Variants in DYNC1LI2 observed in about 807,000 individuals in gnomAD.
DYNC1LI2 encodes the protein cytoplasmic dynein 1 light intermediate chain 2.
A neutral mutation model predicts 57.8 loss-of-function variants in DYNC1LI2; 19 were observed. That is an observed-to-expected ratio of 0.33 (90% confidence interval 0.23 to 0.48). The LOEUF is 0.48. DYNC1LI2 is among the 20% of genes least tolerant of loss of function. The pLI, the probability that DYNC1LI2 is intolerant of heterozygous loss-of-function variation, is 0.99. For synonymous variants in DYNC1LI2, 256 were observed against 233.4 expected (o/e 1.10, Z -0.88); for missense variants, 470 against 604.2 (o/e 0.78, Z 2.33).
In DYNC1LI2 at chr16:66,720,995, G is replaced by A. The variant is rs370389034; in HGVS notation, c.*2727C>T. 2.0e-5 allele frequency: 3 copies of A among 152,520 alleles called. No homozygotes were observed. Among genetic ancestry groups the A allele is most frequent in the Admixed American group, 6.6e-5 (1 of 15,260 alleles). 9.4% of individuals were successfully genotyped at this position (152,520 alleles called of 1,614,324 possible). ...TTCCACATGACTGCATACTGCACCCGGACAGAGCCACACCCCTGGACTAAG... is the reference window on the plus strand; with the variant it reads ...TTCCACATGACTGCATACTGCACCCAGACAGAGCCACACCCCTGGACTAAG... On this transcript the variant is annotated 3_prime_UTR_variant, in exon 13 of 13. Transcript: ENST00000258198.
At chr16:66,744,704 C>T (rs966779410) in intron 3 of DYNC1LI2, among the ~76,000 whole-genome samples, 6 of 152,198 alleles carry the variant, frequency 3.9e-5, no homozygotes, top group Non-Finnish European at 8.8e-5. Context: ...GGACTACAGG[C>T]ACGTGCCACT....
intron 3 of DYNC1LI2, among the ~76,000 whole-genome samples, chr16:66,743,679 C>G (rs2017882640): frequency 6.6e-6 from 1 of 151,882 alleles, no homozygotes; most frequent in Non-Finnish European, 1.5e-5. Flanking sequence ...CCTAAGGTAA[C>G]AGCAATCAGT....
intron 4 of DYNC1LI2, among the ~76,000 whole-genome samples, chr16:66,741,246 A>G (rs2017830608): frequency 6.6e-6 from 1 of 152,220 alleles, no homozygotes; most frequent in African/African-American, 2.4e-5. Context: ...CTGTCTGTGC[A>G]GTGGATGAAA....
chr16:66,734,997 CAAAAAAAAA>C (rs377398071), intron 5 of DYNC1LI2, among the ~76,000 whole-genome samples: 8 of 38,570 alleles, frequency 2.1e-4, no homozygotes, highest in Admixed American at 4.2e-4. Flanking sequence ...AACTCCGTCT[CAAAAAAAAA>C]AAAAAAAAAA....
intron 9 of DYNC1LI2, 45 bp from the exon 10 acceptor site, chr16:66,728,287 G>A (rs1194490518): frequency 3.1e-6 from 5 of 1,611,022 alleles, no homozygotes; most frequent in Non-Finnish European, 4.2e-6. Context: ...GGCCTGCAGA[G>A]AGCACTGAAG....
At chr16:66,740,115 A>G (rs553332899) in intron 4 of DYNC1LI2, among the ~76,000 whole-genome samples, 1 of 152,218 alleles carries the variant, frequency 6.6e-6, no homozygotes, top group African/African-American at 2.4e-5. Flanking sequence ...AGAAGACTAA[A>G]GTACAAAAAA....
intron 7 of DYNC1LI2, chr16:66,730,514 A>T: frequency 4.0e-6 from 1 of 249,472 alleles, no homozygotes; most frequent in Non-Finnish European, 7.7e-6. Flanking sequence ...CTCTCCCACA[A>T]CTCTGCCTAG....
At chr16:66,746,866 C>T (rs1187618713) in intron 3 of DYNC1LI2, among the ~76,000 whole-genome samples, 2 of 152,196 alleles carry the variant, frequency 1.3e-5, no homozygotes, top group Admixed American at 6.5e-5. Context: ...CTACTGACTA[C>T]AGGCATGGCA....
chr16:66,741,892 A>G (rs891965184), intron 4 of DYNC1LI2, among the ~76,000 whole-genome samples: 28 of 100,232 alleles, frequency 2.8e-4, no homozygotes, highest in Non-Finnish European at 4.5e-4. Context: ...CTTTCATGTT[A>G]ATTACAAAAA....
At chr16:66,750,714 G>A (rs2018028801) in intron 2 of DYNC1LI2, among the ~76,000 whole-genome samples, 1 of 152,162 alleles carries the variant, frequency 6.6e-6, no homozygotes, top group South Asian at 2.1e-4. Flanking sequence ...CTTGCTGTGT[G>A]AATGTACCCA....
intron 12 of DYNC1LI2, among the ~76,000 whole-genome samples, chr16:66,725,451 G>A (rs1351776955): frequency 1.3e-5 from 2 of 152,106 alleles, no homozygotes; most frequent in African/African-American, 2.4e-5. Flanking sequence ...ACTCCAGCCT[G>A]GGCAACAAGA....
At chr16:66,729,218 A>C (rs942146863) in intron 8 of DYNC1LI2, 119 bp from the exon 9 acceptor site, 1 of 1,076,350 alleles carries the variant, frequency 9.3e-7, no homozygotes, top group African/African-American at 1.5e-5. Flanking sequence ...GGAGATCCCT[A>C]CTGAGACTGC....
chr16:66,729,833 G>A (rs946525470), intron 8 of DYNC1LI2, among the ~76,000 whole-genome samples: 4 of 152,126 alleles, frequency 2.6e-5, no homozygotes, highest in African/African-American at 9.6e-5. Context: ...CCAGGTTGGA[G>A]TGCAGTGGCG....
In DYNC1LI2 at chr16:66,736,161, A is replaced by G; in HGVS notation, c.613T>C (p.Ser205Pro). The G allele has an allele frequency of 6.2e-7, 1 of 1,614,086 alleles. No homozygotes were observed. Among genetic ancestry groups the G allele is most frequent in the Non-Finnish European group, 8.5e-7 (1 of 1,180,034 alleles). Residue 205 changes from serine to proline, a missense_variant, in exon 5 of 13, where the codon TCC becomes CCC. By Grantham distance (74) the Ser-to-Pro change is moderately conservative. Coordinates refer to ENST00000258198, the MANE Select transcript of DYNC1LI2 (RefSeq NM_006141.3). Reference protein sequence around the residue: ...PQRRGPLTSGSDEENVALPLG... With the variant: ...PQRRGPLTSGPDEENVALPLG... The stretch of plus-strand genomic sequence containing the variant: ...GGCAGGGCAACATTTTCTTCATCGG[A>G]GCCTGAGGTCAGAGGGCCTCTTCTC...
chr16:66,734,216 A>T lies in DYNC1LI2; in HGVS notation c.793+2T>A. 1 of 1,614,072 alleles carries T rather than the reference A, an allele frequency of 6.2e-7. No homozygotes were observed. The highest frequency in any genetic ancestry group is 8.5e-7 in the Non-Finnish European group (1 of 1,179,994). On this transcript the variant is annotated splice_donor_variant, in intron 6 of 12. Transcript: ENST00000258198. LOFTEE classifies it high-confidence loss of function. ...AGGCCCCACACAGCGCCCAAAGGAT[A>T]CACTGAAGGCAGAACCTCCGCAGGT... is the stretch of plus-strand genomic sequence containing the variant.
At chr16:66,750,759 A>C (rs1052380588) in intron 2 of DYNC1LI2, among the ~76,000 whole-genome samples, 4 of 152,142 alleles carry the variant, frequency 2.6e-5, no homozygotes, top group Non-Finnish European at 5.9e-5. Flanking sequence ...GGCCAGAGGG[A>C]GTAAGGGACC....
At chr16:66,747,757 G>A (rs113784578) in intron 3 of DYNC1LI2, among the ~76,000 whole-genome samples, 45,439 of 151,364 alleles carry the variant, frequency 0.3, 8,050 homozygotes, top group East Asian at 0.6. Flanking sequence ...TGTTAGTAGA[G>A]ATGGGGTTTC....
chr16:66,750,979 C>G (rs918234361), intron 2 of DYNC1LI2, among the ~76,000 whole-genome samples: 1 of 152,244 alleles, frequency 6.6e-6, no homozygotes, highest in Non-Finnish European at 1.5e-5. Flanking sequence ...CTAGCTTCCC[C>G]TCTCCACGAC....
intron 10 of DYNC1LI2, 175 bp from the exon 11 acceptor site, chr16:66,727,980 C>A: frequency 1.2e-6 from 1 of 837,830 alleles, no homozygotes; most frequent in Non-Finnish European, 1.8e-6. Context: ...GAAAGACATC[C>A]AGATAACAAA....
Sources: allele counts gnomAD v4.1 joint callset (sites outside exome capture counted in the v4.1 genomes callset), GRCh38; gene constraint gnomAD v4.1.1; transcripts MANE v1.5; gene names NCBI Gene and HGNC (gene_info 2026-07-23, HGNC 2026-07-21).